Variants in STK10 observed in about 807,000 individuals in gnomAD.
STK10 encodes serine/threonine kinase 10, also known as serine/threonine-protein kinase 10.
In STK10, 78 loss-of-function variants were observed where a neutral mutation model predicts 113.8. That is an observed-to-expected ratio of 0.69 (90% confidence interval 0.57 to 0.83). The LOEUF (loss-of-function observed/expected upper bound fraction) is 0.83. Among genes scored for constraint, STK10 ranks in the 40% least tolerant of loss-of-function variants. The pLI, the probability that STK10 is intolerant of heterozygous loss-of-function variation, is 0.00. For synonymous variants in STK10, 465 were observed against 494.7 expected (o/e 0.94, Z 0.80); for missense variants, 1,109 against 1,280.1 (o/e 0.87, Z 2.04).
rs1440000367 is a variant in STK10, at chr5:172,103,084, C to T, written c.870+2572G>A. Among the ~76,000 whole-genome samples the T allele has an allele frequency of 3.9e-5, 6 of 152,334 alleles. No homozygotes were observed. In the East Asian group the frequency reaches 1.2e-3, roughly 29 times the overall value. On this transcript the variant is annotated intron_variant, in intron 7 of 18. Transcript: ENST00000176763. ...GGCGGGACACAGGGAGACGTGAGAGCCAGGCACTTCTTGGAAGCCGGTAGA... is the reference window on the plus strand; with the variant it reads ...GGCGGGACACAGGGAGACGTGAGAGTCAGGCACTTCTTGGAAGCCGGTAGA...
At position 172,082,608 on chromosome 5, in the gene STK10, A is replaced by G. The variant is rs150967754; in HGVS notation, c.1810-103T>C. 7.0e-5 allele frequency: 98 copies of G among 1,397,360 alleles called. No individual in the cohort carries two copies. In the African/African-American group the frequency reaches 1.3e-3, roughly 19 times the overall value. 86.6% of individuals were successfully genotyped at this position (1,397,360 alleles called of 1,614,324 possible). ...GAACTCAGAGCTTGTGATCAGACCT[A>G]AGCTTGAATCCCAGCTCTACTACCC... On this transcript the variant is annotated intron_variant, in intron 11 of 18. Coordinates refer to ENST00000176763, the MANE Select transcript of STK10 (RefSeq NM_005990.4). This position sits in a 1 kb window ranked among gnomAD's most constrained non-coding sequence, Gnocchi z 4.3.
At chr5:172,136,640 A>G (rs982173265) in intron 2 of STK10, among the ~76,000 whole-genome samples, 1 of 152,136 alleles carries the variant, frequency 6.6e-6, no homozygotes, top group Non-Finnish European at 1.5e-5. Flanking sequence ...GAAGTGAAAG[A>G]ATAGCTATTC....
chr5:172,158,854 A>G (rs1770406865), intron 1 of STK10, among the ~76,000 whole-genome samples: 1 of 152,164 alleles, frequency 6.6e-6, no homozygotes, highest in African/African-American at 2.4e-5. Flanking sequence ...ATAGAAGTGG[A>G]AAGTAGAATA....
At chr5:172,123,776 C>T (rs1209214402) in intron 3 of STK10, among the ~76,000 whole-genome samples, 1 of 151,980 alleles carries the variant, frequency 6.6e-6, no homozygotes, top group South Asian at 2.1e-4. Context: ...CTGTTGTCTA[C>T]CCTGCTGCTT....
intron 2 of STK10, among the ~76,000 whole-genome samples, chr5:172,154,799 A>T (rs1770312767): frequency 6.6e-6 from 1 of 152,228 alleles, no homozygotes; most frequent in Non-Finnish European, 1.5e-5. Flanking sequence ...CCTGGGGAGC[A>T]GCTCACATAG....
At chr5:172,163,857 T>C (rs1013040036) in intron 1 of STK10, among the ~76,000 whole-genome samples, 3 of 151,954 alleles carry the variant, frequency 2.0e-5, no homozygotes, top group Non-Finnish European at 4.4e-5. Context: ...TAGAAGTGGG[T>C]AGGGACTCAT....
chr5:172,060,693 A>G (rs1767913202), intron 14 of STK10, among the ~76,000 whole-genome samples: 1 of 152,236 alleles, frequency 6.6e-6, no homozygotes, highest in Admixed American at 6.5e-5. Context: ...ACTTGGCCAA[A>G]GAATAGTAAC....
intron 1 of STK10, among the ~76,000 whole-genome samples, chr5:172,164,661 G>A (rs1313083846): frequency 6.6e-6 from 1 of 152,148 alleles, no homozygotes; most frequent in Non-Finnish European, 1.5e-5. Context: ...GGGGGAGGAT[G>A]GATGGTGAAA....
At chr5:172,132,161 T>C (rs891078001) in intron 2 of STK10, among the ~76,000 whole-genome samples, 3 of 152,154 alleles carry the variant, frequency 2.0e-5, no homozygotes, top group Non-Finnish European at 4.4e-5. Flanking sequence ...TAAATATGAA[T>C]AAAATAATAA....
chr5:172,047,909 T>TG (rs1289385254), intron 18 of STK10, among the ~76,000 whole-genome samples: 2 of 147,012 alleles, frequency 1.4e-5, no homozygotes, highest in Non-Finnish European at 3.0e-5. Context: ...GTTTTTTTTT[T>TG]TTTTTTTTTT....
chr5:172,077,001 TAG>T lies in STK10; in HGVS notation c.1989+5323_1989+5324del, dbSNP rs1284703685. Among the ~76,000 whole-genome samples, 4 of 146,938 alleles carry T rather than the reference TAG, an allele frequency of 2.7e-5. No homozygotes were observed. The East Asian group carries it at 7.7e-4, about 28-fold the overall frequency. On this transcript the variant is annotated intron_variant, in intron 12 of 18. Transcript: ENST00000176763. ...GGCGAAGGCAAAGGAACAGTAAAAGTAGAGTCACATGGGACCACTTGACAAAG... is the reference window on the plus strand; with the variant it reads ...GGCGAAGGCAAAGGAACAGTAAAAGTAGTCACATGGGACCACTTGACAAAG...
intron 1 of STK10, among the ~76,000 whole-genome samples, chr5:172,182,080 G>A (rs570723292): frequency 1.6e-4 from 24 of 151,860 alleles, no homozygotes; most frequent in African/African-American, 4.8e-4. Context: ...TGAGGCGGGC[G>A]GATCACAAGG....
intron 1 of STK10, among the ~76,000 whole-genome samples, chr5:172,185,021 T>C (rs1218885838): frequency 6.6e-6 from 1 of 152,122 alleles, no homozygotes; most frequent in Non-Finnish European, 1.5e-5. Context: ...GAGGAGACAG[T>C]ATCGATTGTG....
intron 8 of STK10, among the ~76,000 whole-genome samples, chr5:172,096,104 T>A (rs972035433): frequency 6.6e-6 from 1 of 152,206 alleles, no homozygotes; most frequent in Non-Finnish European, 1.5e-5. Flanking sequence ...TCATTTGGTA[T>A]GTGAGCTGTG....
At chr5:172,048,824 C>T (rs1291256702) in intron 18 of STK10, among the ~76,000 whole-genome samples, 1 of 150,736 alleles carries the variant, frequency 6.6e-6, no homozygotes, top group Non-Finnish European at 1.5e-5. Context: ...CCAGACTTTA[C>T]GCAGGCCCCC....
At chr5:172,095,271 G>A (rs10053012) in intron 8 of STK10, among the ~76,000 whole-genome samples, 20,693 of 152,130 alleles carry the variant, frequency 0.14, 1,441 homozygotes, top group African/African-American at 0.17. Flanking sequence ...GCTCAAAAAC[G>A]CAGATCTGAT....
intron 3 of STK10, among the ~76,000 whole-genome samples, chr5:172,123,134 C>T (rs916803569): frequency 1.3e-5 from 2 of 152,204 alleles, no homozygotes; most frequent in Admixed American, 1.3e-4. Flanking sequence ...GCCCCAAGCT[C>T]AGGCCAGTAA....
chr5:172,173,775 G>A lies in STK10; in HGVS notation c.156+14112C>T, dbSNP rs183963067. Among the ~76,000 whole-genome samples the A allele has an allele frequency of 2.5e-4, 38 of 152,322 alleles. No homozygotes were observed. In the East Asian group the frequency reaches 5.2e-3, roughly 21 times the overall value. ...TGCCTCTGTCAAGCCCCAGGAAGGG[G>A]AAGATCAGCTTAAGTCACCCCACAG... On this transcript the variant is annotated intron_variant, in intron 1 of 18. Transcript: ENST00000176763.
chr5:172,055,016 G>T (rs147860509), intron 16 of STK10, among the ~76,000 whole-genome samples: 119 of 152,320 alleles, frequency 7.8e-4, no homozygotes, highest in African/African-American at 2.8e-3. Flanking sequence ...GGGGAAGCTG[G>T]CCAAATAAAA....
Sources: gnomAD v4.1 joint callset for allele counts (sites outside exome capture counted in the v4.1 genomes callset) on GRCh38, gnomAD v4.1.1 for gene constraint, Gnocchi (gnomAD v3.1) non-coding constraint, MANE v1.5 for transcripts, NCBI Gene and HGNC (gene_info 2026-07-23, HGNC 2026-07-21) for gene names.